The following ADGB variants were observed in gnomAD, a reference collection of about 807,000 sequenced individuals.
ADGB encodes the protein androglobin, also known as calpain-7-like protein.
In ADGB, 172 loss-of-function variants were observed where a neutral mutation model predicts 210.5. That is an observed-to-expected ratio of 0.82 (90% confidence interval 0.72 to 0.93). The LOEUF is 0.93. Ranked by LOEUF, ADGB falls within the 40% of genes least tolerant of loss-of-function variation. ADGB has a pLI of 0.00. For missense variants in ADGB, 2,025 were observed against 1,964.8 expected (o/e 1.03, Z -0.58); for synonymous variants, 658 against 662.7 (o/e 0.99, Z 0.11).
At chr6:146,654,507 C>A (rs1440540012) in intron 4 of ADGB, among the ~76,000 whole-genome samples, 1 of 151,980 alleles carries the variant, frequency 6.6e-6, no homozygotes, top group Non-Finnish European at 1.5e-5. Context: ...GATGTGCCAT[C>A]TCCCCCAGCT....
At chr6:146,671,249 G>A (rs189846240) in intron 7 of ADGB, among the ~76,000 whole-genome samples, 2 of 152,296 alleles carry the variant, frequency 1.3e-5, no homozygotes, top group African/African-American at 4.8e-5. Flanking sequence ...CAGAGCCTTA[G>A]AACAGCAAAT....
At chr6:146,630,884 C>T (rs1583566229) in intron 1 of ADGB, among the ~76,000 whole-genome samples, 2 of 152,190 alleles carry the variant, frequency 1.3e-5, no homozygotes, top group South Asian at 4.1e-4. Context: ...TCTATGGGTT[C>T]CTGGATGGCT....
rs1354079479 is a variant in ADGB, at chr6:146,726,064, C to T, written c.2238-19C>T. On this transcript the variant is annotated intron_variant, in intron 18 of 35. Transcript: ENST00000397944. ...ACCCAGGAAGCACTCGGTTATCATC[C>T]GGCATCCCTTCTCTTTAGGAGACAC... 27 of 1,468,732 alleles carry T rather than the reference C, an allele frequency of 1.8e-5. No homozygotes were observed. In the East Asian group the frequency reaches 4.5e-4, roughly 25 times the overall value. 91.0% of individuals were successfully genotyped at this position (1,468,732 alleles called of 1,614,324 possible).
At chr6:146,778,795 G>A (rs1206879336) in intron 29 of ADGB, among the ~76,000 whole-genome samples, 2 of 152,168 alleles carry the variant, frequency 1.3e-5, no homozygotes, top group Non-Finnish European at 2.9e-5. Context: ...AGCATGCACA[G>A]ATCCTCAGAA....
At chr6:146,664,454 C>T (rs1775911308) in intron 6 of ADGB, 114 bp downstream of exon 6, 2 of 1,131,166 alleles carry the variant, frequency 1.8e-6, no homozygotes, top group East Asian at 2.7e-5. Flanking sequence ...AGCTTTTTCC[C>T]CTAAACAATG....
intron 27 of ADGB, among the ~76,000 whole-genome samples, chr6:146,758,118 T>A (rs974909403): frequency 2.6e-5 from 4 of 152,068 alleles, no homozygotes; most frequent in Non-Finnish European, 5.9e-5. Context: ...TTTTCAGCAC[T>A]TAGGCTGCAT....
intron 1 of ADGB, among the ~76,000 whole-genome samples, chr6:146,609,371 C>T (rs545392836): frequency 1.9e-4 from 29 of 152,222 alleles, no homozygotes; most frequent in African/African-American, 6.0e-4. Context: ...AGCCCATATA[C>T]ATTCAGGGTT....
intron 27 of ADGB, among the ~76,000 whole-genome samples, chr6:146,755,356 C>T (rs1037293662): frequency 1.3e-5 from 2 of 152,048 alleles, no homozygotes; most frequent in Non-Finnish European, 2.9e-5. Flanking sequence ...TTGTAATCTC[C>T]ACATGTTGGG....
At chr6:146,752,078 T>C (rs889455874) in intron 26 of ADGB, among the ~76,000 whole-genome samples, 3 of 152,130 alleles carry the variant, frequency 2.0e-5, no homozygotes, top group African/African-American at 7.2e-5. Flanking sequence ...AAGAAATACC[T>C]GAGACTGGGT....
chr6:146,623,454 A>T (rs1780925182), intron 1 of ADGB, among the ~76,000 whole-genome samples: 1 of 151,860 alleles, frequency 6.6e-6, no homozygotes, highest in African/African-American at 2.4e-5. Context: ...TCTTATCTTT[A>T]TATTATTGGA....
At chr6:146,810,983 A>G (rs1406350583) in intron 35 of ADGB, among the ~76,000 whole-genome samples, 1 of 152,206 alleles carries the variant, frequency 6.6e-6, no homozygotes, top group African/African-American at 2.4e-5. Flanking sequence ...GAACATATAC[A>G]GTTTATTTTC....
chr6:146,625,749 A>C (rs187657570), intron 1 of ADGB, among the ~76,000 whole-genome samples: 45 of 152,220 alleles, frequency 3.0e-4, no homozygotes, highest in African/African-American at 1.1e-3. Flanking sequence ...CTTCCTATAC[A>C]GCCTACAGAA....
intron 33 of ADGB, among the ~76,000 whole-genome samples, chr6:146,797,399 CAT>C (rs376934340): frequency 9.9e-4 from 150 of 152,266 alleles, no homozygotes; most frequent in African/African-American, 3.1e-3. Context: ...CTTACACACA[CAT>C]GTTTATAGCA....
chr6:146,699,608 G>A (rs1048376625), intron 12 of ADGB, among the ~76,000 whole-genome samples: 2 of 152,052 alleles, frequency 1.3e-5, no homozygotes, highest in African/African-American at 4.8e-5. Flanking sequence ...CAGAAATAAT[G>A]TTTTACTGGT....
chr6:146,717,192 T>A (rs927810563), intron 15 of ADGB, 123 bp downstream of exon 15: 8 of 791,650 alleles, frequency 1.0e-5, no homozygotes, highest in African/African-American at 7.0e-5. Flanking sequence ...TATAACCTAT[T>A]AATTCTTAGC....
At chr6:146,708,937 TG>T (rs774233060) in intron 13 of ADGB, among the ~76,000 whole-genome samples, 1 of 152,162 alleles carries the variant, frequency 6.6e-6, no homozygotes, top group Non-Finnish European at 1.5e-5. Context: ...TCCAATAGCC[TG>T]TCTTCAATTT....
intron 16 of ADGB, among the ~76,000 whole-genome samples, chr6:146,720,703 G>T (rs141881604): frequency 6.6e-6 from 1 of 152,248 alleles, no homozygotes; most frequent in East Asian, 1.9e-4. Context: ...AAGCAAACAC[G>T]TCTTACCATG....
At position 146,726,183 on chromosome 6, in the gene ADGB, C is replaced by T. The variant is rs1328497370; in HGVS notation, c.2338C>T (p.Pro780Ser). Residue 780 changes from proline to serine, a missense_variant, in exon 19 of 36, where the codon CCC (proline) becomes TCC (serine). Pro to Ser is a moderately conservative substitution (Grantham distance 74). Transcript: ENST00000397944. ...CATTGGGGATGAACACGTTGTACTG[C>T]CCAACTTTGAACCAGTAAGTATTTT... ...FVIGDEHVVLPNFEPESCRFT... is the reference protein window; with the variant it reads ...FVIGDEHVVLSNFEPESCRFT... 5 of 1,544,768 alleles carry T rather than the reference C, an allele frequency of 3.2e-6. No individual in the cohort carries two copies. In the African/African-American group the frequency reaches 6.9e-5, roughly 21 times the overall value.
At chr6:146,787,690 A>T (rs1307129049) in intron 32 of ADGB, among the ~76,000 whole-genome samples, 1 of 147,660 alleles carries the variant, frequency 6.8e-6, no homozygotes, top group East Asian at 2.0e-4. Flanking sequence ...ACATTTCTTC[A>T]TGCTCTTAAG....
Sources: gnomAD v4.1 joint callset for allele counts (sites outside exome capture counted in the v4.1 genomes callset) on GRCh38, gnomAD v4.1.1 for gene constraint, MANE v1.5 for transcripts, NCBI Gene and HGNC (gene_info 2026-07-23, HGNC 2026-07-21) for gene names.